PLVAP: variants seen among roughly 807,000 people sequenced by gnomAD.
PLVAP encodes plasmalemma vesicle-associated protein.
A neutral mutation model predicts 43.1 loss-of-function variants in PLVAP; 34 were observed. The ratio of observed to expected loss-of-function variants is 0.79; its 90% CI spans 0.60 to 1.05. The LOEUF (loss-of-function observed/expected upper bound fraction) is 1.05. Among genes scored for constraint, PLVAP ranks in the 50% least tolerant of loss-of-function variants. The probability of loss-of-function intolerance (pLI) is 0.00; values close to 1 mark genes in which losing one functional copy is unlikely to be tolerated. For missense variants in PLVAP, 574 were observed against 593.4 expected (o/e 0.97, Z 0.34); for synonymous variants, 241 against 237.3 (o/e 1.02, Z -0.14).
At chr19:17,373,053 T>C (rs987001656) in intron 1 of PLVAP, among the ~76,000 whole-genome samples, 42 of 104,006 alleles carry the variant, frequency 4.0e-4, no homozygotes, top group Non-Finnish European at 6.4e-4. Flanking sequence ...GCGACAGAGC[T>C]AGACTCTGTC....
Position 17,377,175 on chromosome 19 carries a change from G to A in PLVAP, c.114C>T (p.Leu38=), listed in dbSNP as rs1476608573. ...TGAAGAGCACGAGCCCCAGGATGATGAGGAATTGGATGAGGGAGACGAAGA... is the reference window on the plus strand; with the variant it reads ...TGAAGAGCACGAGCCCCAGGATGATAAGGAATTGGATGAGGGAGACGAAGA... ...FFLFVSLIQF[L]IILGLVLFMV... The change falls in exon 1 of 6, where the codon CTC becomes CTT. Residue 38 remains leucine, a synonymous_variant. Coordinates refer to ENST00000252590, the MANE Select transcript of PLVAP (RefSeq NM_031310.3). The A allele has an allele frequency of 7.4e-6, 12 of 1,614,016 alleles. No individual in the cohort carries two copies. Among genetic ancestry groups the A allele is most frequent in the Non-Finnish European group, 1.0e-5 (12 of 1,180,032 alleles).
chr19:17,352,500 C>A, intron 5 of PLVAP, 132 bp from the exon 6 acceptor site: 2 of 974,354 alleles, frequency 2.1e-6, no homozygotes, highest in Admixed American at 2.0e-5. Context: ...TCCTACCACC[C>A]TGGGCCCCTA....
intron 1 of PLVAP, among the ~76,000 whole-genome samples, chr19:17,376,065 C>T (rs1307994758): frequency 2.0e-5 from 3 of 152,014 alleles, no homozygotes; most frequent in Non-Finnish European, 4.4e-5. Context: ...ATAGTGCCAG[C>T]TACTCAAAAG....
At chr19:17,372,876 CAT>C (rs1249463637) in intron 1 of PLVAP, among the ~76,000 whole-genome samples, 1 of 147,368 alleles carries the variant, frequency 6.8e-6, no homozygotes, top group Non-Finnish European at 1.5e-5. Flanking sequence ...TCCTGGTTAA[CAT>C]AGTGAAACCC....
At position 17,365,487 on chromosome 19, in the gene PLVAP, C is replaced by T. The variant is rs778477668; in HGVS notation, c.978G>A (p.Glu326=). The change falls in exon 3 of 6, where the codon GAG becomes GAA. Residue 326 remains glutamate, a synonymous_variant. Coordinates refer to ENST00000252590, the MANE Select transcript of PLVAP (RefSeq NM_031310.3). ...RASQEAKQKV[E]KEAQAREAKL... ...TGGCCTCCCGGGCCTGAGCCTCCTT[C>T]TCCACCTTCTGTTTCGCCTCCTGAC... 55 of 1,612,500 alleles carry T rather than the reference C, an allele frequency of 3.4e-5. No homozygotes were observed. Among genetic ancestry groups the T allele is most frequent in the Middle Eastern group, 3.3e-4 (2 of 6,082 alleles).
In PLVAP at chr19:17,377,263, C is replaced by G; in HGVS notation, c.26G>C (p.Gly9Ala). The change falls in exon 1 of 6, where the codon GGG (glycine) becomes GCG (alanine). Residue 9 changes from glycine (G) to alanine (A), a missense_variant. By Grantham distance (60) the Gly-to-Ala change is moderately conservative (BLOSUM62 0). Transcript: ENST00000252590. ...GCTGCCCCCCGCCCGAGCGTAGGAC[C>G]CTCCGTGCTCCATGGCCAGACCCAT... MGLAMEHG[G>A]SYARAGGSSR... 1 of 1,613,078 alleles carries G rather than the reference C, an allele frequency of 6.2e-7. No homozygotes were observed. The highest frequency in any genetic ancestry group is 8.5e-7 in the Non-Finnish European group (1 of 1,179,458).
rs575414261 is a variant in PLVAP at position 17,363,226 on chromosome 19, C to G, written c.1179+2060G>C. ...CACCCAGGCTAGAGTTGCAGTGGTG[C>G]GATCTGGGCTCGCTGCAACCTCTGC... On this transcript the variant is annotated intron_variant, in intron 3 of 5. Transcript: ENST00000252590. Among the ~76,000 whole-genome samples the G allele has an allele frequency of 7.2e-5, 11 of 152,096 alleles. 1 individual carries two copies. The East Asian group carries it at 2.1e-3, about 29-fold the overall frequency.
intron 3 of PLVAP, among the ~76,000 whole-genome samples, chr19:17,364,746 C>T (rs529843588): frequency 6.6e-6 from 1 of 151,300 alleles, no homozygotes; most frequent in Admixed American, 6.6e-5. Context: ...CGATATCCAC[C>T]CTACCTCTAA....
In PLVAP at chr19:17,360,458, C is replaced by T. The variant is rs550981792; in HGVS notation, c.1322+70G>A. The T allele has an allele frequency of 4.7e-6, 7 of 1,491,444 alleles. No individual in the cohort carries two copies. The Admixed American group carries it at 1.2e-4, about 25-fold the overall frequency. The allele number at this position is 1,491,444 out of a possible 1,614,324, so 92.4% of individuals were successfully genotyped here. A position where few individuals can be genotyped will look rare whatever the true frequency, so the allele number is the denominator to read the frequency against. On this transcript the variant is annotated intron_variant, in intron 5 of 5. Coordinates refer to ENST00000252590, the MANE Select transcript of PLVAP (RefSeq NM_031310.3). ...CAAGTGTGAGATCAGCCTCCCTCCA[C>T]CCTCAGTCCTGGTCCTAGCTTTGCC...
chr19:17,371,489 A>T (rs949272481), intron 1 of PLVAP, among the ~76,000 whole-genome samples: 3 of 151,100 alleles, frequency 2.0e-5, no homozygotes, highest in African/African-American at 7.3e-5. Flanking sequence ...TTTTATTTTA[A>T]TTTAATTTTA....
intron 1 of PLVAP, among the ~76,000 whole-genome samples, chr19:17,375,116 C>G (rs1277867938): frequency 6.6e-6 from 1 of 152,106 alleles, no homozygotes; most frequent in Non-Finnish European, 1.5e-5. Flanking sequence ...GCCAGTATGC[C>G]TGGCCTAATT....
At chr19:17,364,238 G>T (rs762337519) in intron 3 of PLVAP, among the ~76,000 whole-genome samples, 1 of 151,698 alleles carries the variant, frequency 6.6e-6, no homozygotes, top group Non-Finnish European at 1.5e-5. Flanking sequence ...GACGCACGCC[G>T]CCACGCCCAG....
intron 1 of PLVAP, among the ~76,000 whole-genome samples, chr19:17,367,710 T>TG (rs2074555953): frequency 6.6e-6 from 1 of 152,014 alleles, no homozygotes; most frequent in Non-Finnish European, 1.5e-5. Flanking sequence ...TTTGTAGAGA[T>TG]GGGGTTTCAC....
intron 1 of PLVAP, 40 bp from the exon 2 acceptor site, chr19:17,366,235 G>T (rs748955046): frequency 1.8e-4 from 281 of 1,600,476 alleles, no homozygotes; most frequent in Middle Eastern, 6.6e-4. Context: ...ACAGAGCTTA[G>T]TGTCTTGCCC....
chr19:17,371,192 C>T (rs1002163934), intron 1 of PLVAP, among the ~76,000 whole-genome samples: 20 of 151,448 alleles, frequency 1.3e-4, no homozygotes, highest in African/African-American at 4.4e-4. Context: ...GATGGAGTCT[C>T]GCTCTGTGGC....
chr19:17,354,973 G>A (rs145118720), intron 5 of PLVAP, among the ~76,000 whole-genome samples: 5 of 151,438 alleles, frequency 3.3e-5, no homozygotes, highest in East Asian at 1.9e-4. Context: ...TGTAATCCTC[G>A]CACTTTAGGA....
chr19:17,370,001 TAAAAAAAAA>T (rs763532839), intron 1 of PLVAP, among the ~76,000 whole-genome samples: 6 of 88,794 alleles, frequency 6.8e-5, no homozygotes, highest in African/African-American at 2.1e-4. Context: ...AGAGTCTGTC[TAAAAAAAAA>T]AAAAAAAAAA....
intron 1 of PLVAP, among the ~76,000 whole-genome samples, chr19:17,370,795 G>A (rs1280750347): frequency 6.6e-6 from 1 of 152,134 alleles, no homozygotes; most frequent in Non-Finnish European, 1.5e-5. Context: ...GGTGGCTCAC[G>A]CCTGTAATCT....
intron 3 of PLVAP, among the ~76,000 whole-genome samples, chr19:17,363,901 C>G (rs2074538251): frequency 6.6e-6 from 1 of 151,880 alleles, no homozygotes; most frequent in Non-Finnish European, 1.5e-5. Context: ...CGCCACCACA[C>G]CCGGCTAAAT....
Sources: allele counts gnomAD v4.1 joint callset (sites outside exome capture counted in the v4.1 genomes callset), GRCh38; gene constraint gnomAD v4.1.1; transcripts MANE v1.5; gene names NCBI Gene and HGNC (gene_info 2026-07-23, HGNC 2026-07-21).